The following ANKRD13A variants were observed in gnomAD, a reference collection of about 807,000 sequenced individuals.
ANKRD13A encodes the protein ankyrin repeat domain-containing protein 13A.
ANKRD13A carries 48 observed loss-of-function variants against 81.3 expected under a neutral mutation model. That is an observed-to-expected ratio of 0.59 (90% confidence interval 0.47 to 0.75). ANKRD13A has a LOEUF of 0.75. Ranked by LOEUF, ANKRD13A falls within the 30% of genes least tolerant of loss-of-function variation. The pLI is 0.00. For synonymous variants in ANKRD13A, 230 were observed against 270.1 expected (o/e 0.85, Z 1.45); for missense variants, 612 against 734.0 (o/e 0.83, Z 1.92).
At position 110,028,656 on chromosome 12, in the gene ANKRD13A, A is replaced by C; in HGVS notation, c.1076+14A>C. 1 of 1,614,136 alleles carries C rather than the reference A, an allele frequency of 6.2e-7. No homozygotes were observed. The highest frequency in any genetic ancestry group is 8.5e-7 in the Non-Finnish European group (1 of 1,179,982). ...TAGAACACAGAAGTAAGAGAGGTTC[A>C]GCTGCCATTTTCAACCTATGTATGT... On this transcript the variant is annotated intron_variant, in intron 10 of 14. Coordinates refer to ENST00000261739, the MANE Select transcript of ANKRD13A (RefSeq NM_033121.2).
chr12:110,029,439 T>G, intron 10 of ANKRD13A, 39 bp from the exon 11 acceptor site: 2 of 1,596,346 alleles, frequency 1.3e-6, no homozygotes, highest in Non-Finnish European at 1.7e-6. Context: ...TCCCATCTGG[T>G]GGAGATGACC....
Position 110,018,386 on chromosome 12 carries a change from A to G in ANKRD13A, c.442A>G (p.Ile148Val), listed in dbSNP as rs749491845. 9 of 1,613,912 alleles carry G rather than the reference A, an allele frequency of 5.6e-6. No individual in the cohort carries two copies. Among genetic ancestry groups the G allele is most frequent in the Non-Finnish European group, 7.6e-6 (9 of 1,179,978 alleles). ...AATATGCCCAAATGATGTCTGTCGC[A>G]TCTGGAAAAGTGGTGCCAAACTGCG... The part of the protein sequence containing the change: ...SRICPNDVCR[I>V]WKSGAKLRVD... Residue 148 changes from isoleucine (I) to valine (V), a missense_variant, in exon 5 of 15, where the codon ATC (isoleucine) becomes GTC (valine). Ile to Val is a conservative substitution (Grantham distance 29). Coordinates refer to ENST00000261739, the MANE Select transcript of ANKRD13A (RefSeq NM_033121.2). This position sits in a 1 kb window ranked among gnomAD's most constrained non-coding sequence, Gnocchi z 4.4.
chr12:110,036,232 T>C lies in ANKRD13A; in HGVS notation c.1510-29T>C. On this transcript the variant is annotated intron_variant, in intron 13 of 14. Coordinates refer to ENST00000261739, the MANE Select transcript of ANKRD13A (RefSeq NM_033121.2). The surrounding 1 kb of genome is among the most constrained non-coding windows in gnomAD (Gnocchi z 4.6). ...TGGCACCAATTTCTCCTAAGACGTA[T>C]TCATGTCTATCACATTTGTCTTTGC... The C allele has an allele frequency of 2.5e-6, 4 of 1,606,998 alleles. No homozygotes were observed. Among genetic ancestry groups the C allele is most frequent in the Non-Finnish European group, 3.4e-6 (4 of 1,173,698 alleles).
At chr12:110,031,010 G>A (rs984104703) in intron 12 of ANKRD13A, among the ~76,000 whole-genome samples, 3 of 152,054 alleles carry the variant, frequency 2.0e-5, no homozygotes, top group Middle Eastern at 3.4e-3. Context: ...CAGGAGAATC[G>A]CTTGAACTGG....
chr12:110,012,135 C>A lies in ANKRD13A; in HGVS notation c.227C>A (p.Thr76Lys). ...DVTKENRQGW[T>K]VLHEAVSTGD... ...ACAAAAGAAAATCGCCAGGGATGGA[C>A]AGGTAAGTATACTTTTACAATAATT... is the stretch of plus-strand genomic sequence containing the variant. The change falls in exon 2 of 15, where the codon ACA (threonine) becomes AAA (lysine). Residue 76 changes from threonine (T) to lysine (K), a missense_variant and splice_region_variant. Transcript: ENST00000261739. The A allele has an allele frequency of 6.2e-7, 1 of 1,608,474 alleles. No individual in the cohort carries two copies. The highest frequency in any genetic ancestry group is 8.5e-7 in the Non-Finnish European group (1 of 1,175,426).
chr12:110,009,530 C>G (rs1265895853), intron 1 of ANKRD13A, among the ~76,000 whole-genome samples: 1 of 152,176 alleles, frequency 6.6e-6, no homozygotes, highest in Non-Finnish European at 1.5e-5. Context: ...TTCCAAGAAC[C>G]AACTTTTGGT....
Position 110,013,244 on chromosome 12 carries a change from C to T in ANKRD13A, c.349C>T (p.Leu117Phe), listed in dbSNP as rs764892120. 81 of 1,613,772 alleles carry T rather than the reference C, an allele frequency of 5.0e-5. No individual in the cohort carries two copies. The highest frequency in any genetic ancestry group is 6.6e-5 in the Non-Finnish European group (78 of 1,179,968). ...AGTTCCTGAGCTGCTCCAAAAAATT[C>T]TCGAGGTATCCATGAAAATGTGGCC... ...EGVPELLQKI[L>F]EAPDFYVQMK... The change falls in exon 3 of 15, where the codon CTC (leucine) becomes TTC (phenylalanine). Residue 117 changes from leucine to phenylalanine, a missense_variant. By Grantham distance (22) the Leu-to-Phe change is conservative (BLOSUM62 0). Coordinates refer to ENST00000261739, the MANE Select transcript of ANKRD13A (RefSeq NM_033121.2).
chr12:110,013,936 T>C (rs770674748), intron 3 of ANKRD13A, among the ~76,000 whole-genome samples: 5 of 152,198 alleles, frequency 3.3e-5, no homozygotes, highest in African/African-American at 4.8e-5. Context: ...AAAGTTGTGA[T>C]AGGTATCACT....
chr12:110,031,062 T>C (rs1891660974), intron 12 of ANKRD13A, among the ~76,000 whole-genome samples: 1 of 151,654 alleles, frequency 6.6e-6, no homozygotes, highest in Non-Finnish European at 1.5e-5. Context: ...GCCGAGATTG[T>C]ACCATTGCAC....
In ANKRD13A at chr12:110,016,486, G is replaced by T. The variant is rs925848658; in HGVS notation, c.400+53G>T. 3.5e-5 allele frequency: 52 copies of T among 1,475,322 alleles called. 1 individual carries two copies. The highest frequency in any genetic ancestry group is 1.3e-4 in the South Asian group (10 of 76,840). 91.4% of individuals were successfully genotyped at this position (1,475,322 alleles called of 1,614,324 possible). A position where few individuals can be genotyped will look rare whatever the true frequency, so the allele number is the denominator to read the frequency against. The stretch of plus-strand genomic sequence containing the variant: ...TTCTCTTTCTAAATTTACTTAGCCC[G>T]CATGTAGGTTTATTTTTCCTTTGTA... On this transcript the variant is annotated intron_variant, in intron 4 of 14. Coordinates refer to ENST00000261739, the MANE Select transcript of ANKRD13A (RefSeq NM_033121.2).
intron 1 of ANKRD13A, among the ~76,000 whole-genome samples, chr12:110,006,343 G>A (rs1280814330): frequency 2.6e-5 from 4 of 152,180 alleles, no homozygotes; most frequent in South Asian, 2.1e-4. Context: ...TTGTTTGTAC[G>A]CATCCTAGTG....
At chr12:110,026,723 A>T (rs1367422555) in intron 8 of ANKRD13A, among the ~76,000 whole-genome samples, 1 of 152,086 alleles carries the variant, frequency 6.6e-6, no homozygotes, top group Non-Finnish European at 1.5e-5. Flanking sequence ...CTTTACTAAA[A>T]ATACAAAAAT....
In ANKRD13A at chr12:110,028,676, G is replaced by GT. The variant is rs1199343786; in HGVS notation, c.1076+35dup. On this transcript the variant is annotated intron_variant, in intron 10 of 14. Transcript: ENST00000261739. ...GGTTCAGCTGCCATTTTCAACCTATGTATGTTTCAGAAATTGTGCTGTTTT... is the reference window on the plus strand; with the variant it reads ...GGTTCAGCTGCCATTTTCAACCTATGTTATGTTTCAGAAATTGTGCTGTTTT... 2.5e-6 allele frequency: 4 copies of GT among 1,613,178 alleles called. No individual in the cohort carries two copies. The African/African-American group carries it at 5.3e-5, about 22-fold the overall frequency.
chr12:110,000,016 T>A (rs953835829), intron 1 of ANKRD13A, among the ~76,000 whole-genome samples: 2 of 152,218 alleles, frequency 1.3e-5, no homozygotes, highest in Non-Finnish European at 2.9e-5. Flanking sequence ...GGGTAGGTAC[T>A]GTTACTTTTC....
intron 1 of ANKRD13A, among the ~76,000 whole-genome samples, chr12:110,008,022 T>TAG (rs1890326253): frequency 6.6e-6 from 1 of 152,232 alleles, no homozygotes; most frequent in African/African-American, 2.4e-5. Context: ...CTAGAATCTC[T>TAG]AGTACAATGT....
At chr12:110,025,382 A>G (rs1397169577) in intron 7 of ANKRD13A, among the ~76,000 whole-genome samples, 1 of 151,862 alleles carries the variant, frequency 6.6e-6, no homozygotes, top group Admixed American at 6.6e-5. Flanking sequence ...AAAATTACCA[A>G]CAGAAGTACA....
At position 110,036,853 on chromosome 12, in the gene ANKRD13A, G is replaced by T. The variant is rs1892087105; in HGVS notation, c.1578-506G>T. Among the ~76,000 whole-genome samples the T allele has an allele frequency of 6.6e-6, 1 of 152,186 alleles. No homozygotes were observed. Among genetic ancestry groups the T allele is most frequent in the South Asian group, 2.1e-4 (1 of 4,830 alleles). On this transcript the variant is annotated intron_variant, in intron 14 of 14. Transcript: ENST00000261739. The surrounding 1 kb of genome is among the most constrained non-coding windows in gnomAD (Gnocchi z 4.6). ...AGCAAGTTTCCAGGAATGGGTGATA[G>T]AATTGCTGACTGGTTCACAGGTCAG...
chr12:110,025,958 C>A, intron 8 of ANKRD13A, 135 bp downstream of exon 8: 1 of 668,070 alleles, frequency 1.5e-6, no homozygotes, highest in South Asian at 2.2e-5. Context: ...TCTTCTCTCT[C>A]TCTCTCTTTT....
rs2137194097 is a variant in ANKRD13A, at chr12:110,036,592, A to C, written c.1577+264A>C. ...GTGAAACCCTGTCTCTCCTAAAAAA[A>C]ATACAAAAAATTAGCCGGGCATGGT... is the stretch of plus-strand genomic sequence containing the variant. On this transcript the variant is annotated intron_variant, in intron 14 of 14. Coordinates refer to ENST00000261739, the MANE Select transcript of ANKRD13A (RefSeq NM_033121.2). The surrounding 1 kb of genome is among the most constrained non-coding windows in gnomAD (Gnocchi z 4.6). Among the ~76,000 whole-genome samples the C allele has an allele frequency of 6.6e-6, 1 of 152,316 alleles. No individual in the cohort carries two copies.
Sources: allele counts gnomAD v4.1 joint callset (sites outside exome capture counted in the v4.1 genomes callset), GRCh38; gene constraint gnomAD v4.1.1; non-coding constraint Gnocchi (gnomAD v3.1); transcripts MANE v1.5; gene names NCBI Gene and HGNC (gene_info 2026-07-23, HGNC 2026-07-21).